Variants in ERC2 observed in about 807,000 individuals in gnomAD.
ERC2 encodes the protein ELKS/RAB6-interacting/CAST family member 2.
ERC2 carries 42 observed loss-of-function variants against 114.8 expected under a neutral mutation model. The ratio of observed to expected loss-of-function variants is 0.37; its 90% confidence interval spans 0.29 to 0.47. The LOEUF is 0.47. ERC2 is among the 20% of genes least tolerant of loss of function. The pLI is 0.99. For synonymous variants in ERC2, 454 were observed against 425.5 expected (o/e 1.07, Z -0.82); for missense variants, 939 against 1,150.7 (o/e 0.82, Z 2.66).
chr3:55,614,900 A>AAAAC (rs982921651), intron 17 of ERC2, among the ~76,000 whole-genome samples: 8 of 152,356 alleles, frequency 5.3e-5, no homozygotes, highest in Admixed American at 1.3e-4. Context: ...ACTTACCACT[A>AAAAC]AAACAAACAA....
intron 8 of ERC2, among the ~76,000 whole-genome samples, chr3:56,012,463 T>C (rs1299117890): frequency 1.3e-5 from 2 of 152,118 alleles, no homozygotes; most frequent in Admixed American, 6.5e-5. Flanking sequence ...TAAAATCCTA[T>C]GAGTCTTCTT....
intron 6 of ERC2, among the ~76,000 whole-genome samples, chr3:56,126,807 G>GAAGGAAAGGA (rs772412464): frequency 0.21 from 22,627 of 107,302 alleles, 2,773 homozygotes; most frequent in Admixed American, 0.27. Context: ...AAAGGAAAGG[G>GAAGGAAAGGA]AAGGAAAGGA....
At chr3:56,189,808 C>T (rs577875018) in intron 3 of ERC2, among the ~76,000 whole-genome samples, 1 of 152,274 alleles carries the variant, frequency 6.6e-6, no homozygotes, top group East Asian at 1.9e-4. Context: ...TCTCTGCAAG[C>T]CAACCCTCCA....
chr3:55,980,369 T>C (rs897166287), intron 12 of ERC2, among the ~76,000 whole-genome samples: 3 of 151,972 alleles, frequency 2.0e-5, no homozygotes, highest in African/African-American at 2.4e-5. Context: ...TTTAAATAGG[T>C]CCCCCCAAAA....
intron 7 of ERC2, among the ~76,000 whole-genome samples, chr3:56,034,501 A>G (rs2074670055): frequency 6.6e-6 from 1 of 152,184 alleles, no homozygotes. Flanking sequence ...AGACATATAC[A>G]AAACATTCCA....
intron 1 of ERC2, among the ~76,000 whole-genome samples, chr3:56,447,548 G>A (rs1181751727): frequency 6.6e-6 from 1 of 151,950 alleles, no homozygotes; most frequent in African/African-American, 2.4e-5. Context: ...AATGAAACTG[G>A]GAGCAAGGGT....
intron 14 of ERC2, among the ~76,000 whole-genome samples, chr3:55,793,846 A>G (rs771513197): frequency 6.6e-5 from 10 of 152,176 alleles, no homozygotes; most frequent in Non-Finnish European, 1.2e-4. Flanking sequence ...CGAGGCTTTC[A>G]TGAAATTTAA....
intron 12 of ERC2, among the ~76,000 whole-genome samples, chr3:55,953,572 G>A (rs1003304170): frequency 5.3e-5 from 8 of 152,174 alleles, no homozygotes; most frequent in African/African-American, 1.7e-4. Flanking sequence ...TCTGGCACAG[G>A]TAGGAAAGAA....
At chr3:56,399,324 G>A (rs1162278469) in intron 2 of ERC2, among the ~76,000 whole-genome samples, 1 of 152,166 alleles carries the variant, frequency 6.6e-6, no homozygotes, top group Non-Finnish European at 1.5e-5. Flanking sequence ...TCCTTCCAGA[G>A]TTCTGGCTTA....
rs183052730 is a variant in ERC2, at chr3:56,342,427, T to A, written c.658-45992A>T. Among the ~76,000 whole-genome samples, 8 of 152,348 alleles carry A rather than the reference T, an allele frequency of 5.3e-5. No homozygotes were observed. In the East Asian group the frequency reaches 1.3e-3, roughly 26 times the overall value. ...GCTTTTGATTTAAATAGGTAGGAAA[T>A]TACCATTCATCAGACATTTGCCATA... On this transcript the variant is annotated intron_variant, in intron 2 of 17. Coordinates refer to ENST00000288221, the MANE Select transcript of ERC2 (RefSeq NM_015576.3).
intron 3 of ERC2, among the ~76,000 whole-genome samples, chr3:56,220,307 T>C (rs2049816254): frequency 6.6e-6 from 1 of 152,182 alleles, no homozygotes; most frequent in South Asian, 2.1e-4. Context: ...TCTGATGCCA[T>C]GAAATGCTTT....
At chr3:56,420,211 G>T in intron 2 of ERC2, among the ~76,000 whole-genome samples, 1 of 112,812 alleles carries the variant, frequency 8.9e-6, no homozygotes, top group East Asian at 2.8e-4. Flanking sequence ...TGGAGACAGA[G>T]TATTACTCTG....
intron 14 of ERC2, among the ~76,000 whole-genome samples, chr3:55,886,089 A>C (rs1386937433): frequency 6.6e-6 from 1 of 152,234 alleles, no homozygotes; most frequent in Non-Finnish European, 1.5e-5. Flanking sequence ...CTGGAAAACA[A>C]GGAGAAAAAC....
chr3:56,231,651 A>T (rs533127951), intron 3 of ERC2, among the ~76,000 whole-genome samples: 1 of 152,228 alleles, frequency 6.6e-6, no homozygotes, highest in East Asian at 1.9e-4. Context: ...GTTATGATAC[A>T]TTTATCTGCA....
At chr3:56,096,309 T>C (rs2078059081) in intron 6 of ERC2, among the ~76,000 whole-genome samples, 1 of 152,210 alleles carries the variant, frequency 6.6e-6, no homozygotes, top group African/African-American at 2.4e-5. Context: ...ATGATAACAT[T>C]AGCTAATGCC....
At chr3:56,416,926 A>G (rs1309481668) in intron 2 of ERC2, among the ~76,000 whole-genome samples, 1 of 152,204 alleles carries the variant, frequency 6.6e-6, no homozygotes, top group Non-Finnish European at 1.5e-5. Flanking sequence ...GCCAGTAGAA[A>G]GTAGGTAGAC....
Position 55,923,773 on chromosome 3 carries a change from C to T in ERC2, c.2403+26652G>A, listed in dbSNP as rs554611455. ...TACTGCTTTAGGGAGAAGCCTCTAGCTTAAGACAAATGGATCTCATTTCTT... is the reference window on the plus strand; with the variant it reads ...TACTGCTTTAGGGAGAAGCCTCTAGTTTAAGACAAATGGATCTCATTTCTT... On this transcript the variant is annotated intron_variant, in intron 13 of 17. Transcript: ENST00000288221. Among the ~76,000 whole-genome samples the T allele has an allele frequency of 3.9e-5, 6 of 152,196 alleles. No homozygotes were observed. In the South Asian group the frequency reaches 1.2e-3, roughly 32 times the overall value.
chr3:55,929,363 G>A (rs960126431), intron 13 of ERC2, among the ~76,000 whole-genome samples: 1 of 152,154 alleles, frequency 6.6e-6, no homozygotes, highest in African/African-American at 2.4e-5. Flanking sequence ...ACCCCTCACA[G>A]GTACTGCCCT....
intron 6 of ERC2, among the ~76,000 whole-genome samples, chr3:56,101,725 G>A (rs2078369196): frequency 6.6e-6 from 1 of 152,158 alleles, no homozygotes; most frequent in Non-Finnish European, 1.5e-5. Flanking sequence ...TAGCCATTGT[G>A]GTTTTAGTGT....
Sources: allele counts gnomAD v4.1 joint callset (sites outside exome capture counted in the v4.1 genomes callset), GRCh38; gene constraint gnomAD v4.1.1; transcripts MANE v1.5; gene names NCBI Gene and HGNC (gene_info 2026-07-23, HGNC 2026-07-21).